The following CORO2B variants were observed in gnomAD, a reference collection of about 807,000 sequenced individuals.
CORO2B encodes coronin 2B.
A neutral mutation model predicts 58.8 loss-of-function variants in CORO2B; 26 were observed. The observed-to-expected ratio is 0.44, with a 90% CI of 0.32 to 0.61. CORO2B has a LOEUF of 0.61. Ranked by LOEUF, CORO2B falls within the 20% of genes least tolerant of loss-of-function variation. The probability of loss-of-function intolerance (pLI) is 0.04; values close to 1 mark genes in which losing one functional copy is unlikely to be tolerated. For missense variants in CORO2B, 460 were observed against 645.1 expected, an observed-to-expected ratio of 0.71 and a Z score of 3.11; for synonymous variants, 242 against 253.8, an observed-to-expected ratio of 0.95 and a Z score of 0.44.
At chr15:68,525,493 C>T in the CORO2B span, among the ~76,000 whole-genome samples, 3 of 152,134 alleles carry the variant, frequency 2.0e-5, no homozygotes, top group Non-Finnish European at 4.4e-5. Flanking sequence ...GAAGCTAACT[C>T]GATTCTTGAC....
At chr15:68,589,681 G>C (rs958868825) in intron 1 of CORO2B, among the ~76,000 whole-genome samples, 1 of 152,218 alleles carries the variant, frequency 6.6e-6, no homozygotes, top group Non-Finnish European at 1.5e-5. Flanking sequence ...GTAGTTGCCC[G>C]ATGTTGGCAG....
chr15:68,634,089 C>T (rs1358499693), intron 1 of CORO2B, among the ~76,000 whole-genome samples: 1 of 152,210 alleles, frequency 6.6e-6, no homozygotes, highest in Non-Finnish European at 1.5e-5. Context: ...ATGAAACAGC[C>T]TTTTAAAAAA....
chr15:68,650,356 T>A (rs12907941), intron 2 of CORO2B, among the ~76,000 whole-genome samples: 5,260 of 83,062 alleles, frequency 0.063, 939 homozygotes, highest in Non-Finnish European at 0.088. Context: ...AAACTCTGTC[T>A]AAAAAAAAAA....
intron 2 of CORO2B, among the ~76,000 whole-genome samples, chr15:68,692,642 T>G (rs961311622): frequency 2.0e-5 from 3 of 148,730 alleles, no homozygotes; most frequent in African/African-American, 7.4e-5. Flanking sequence ...CTTTTTTTTT[T>G]GTTTTTTTGA....
chr15:68,618,149 C>T (rs1900415853), intron 1 of CORO2B, among the ~76,000 whole-genome samples: 1 of 152,102 alleles, frequency 6.6e-6, no homozygotes, highest in African/African-American at 2.4e-5. Flanking sequence ...CACACACACA[C>T]AAATACATGT....
At chr15:68,578,896 C>A, upstream of CORO2B, 1 of 428,164 alleles carries the variant, frequency 2.3e-6, no homozygotes, top group Non-Finnish European at 3.1e-6. This position sits in a 1 kb window ranked among gnomAD's most constrained non-coding sequence, Gnocchi z 4.2. Flanking sequence ...GGCTGCGCTT[C>A]CTCCTCCTCC....
the CORO2B span, among the ~76,000 whole-genome samples, chr15:68,521,646 T>C: frequency 6.6e-6 from 1 of 152,250 alleles, no homozygotes; most frequent in Non-Finnish European, 1.5e-5. Context: ...GATTGTCAAT[T>C]ATTTTTATTT....
intron 1 of CORO2B, among the ~76,000 whole-genome samples, chr15:68,621,750 T>A (rs570140411): frequency 6.6e-6 from 1 of 151,108 alleles, no homozygotes; most frequent in South Asian, 2.1e-4. Flanking sequence ...TCACGTGACA[T>A]TGGGCAAGTT....
intron 1 of CORO2B, among the ~76,000 whole-genome samples, chr15:68,610,151 G>A (rs777421107): frequency 1.3e-5 from 2 of 152,092 alleles, no homozygotes; most frequent in Non-Finnish European, 2.9e-5. Flanking sequence ...CGGGGAAATG[G>A]GCCTTATCCT....
the CORO2B span, among the ~76,000 whole-genome samples, chr15:68,560,192 C>A: frequency 2.6e-5 from 4 of 152,252 alleles, no homozygotes; most frequent in African/African-American, 9.6e-5. Context: ...AGGCTGCTAA[C>A]TGTGCTCCCT....
At chr15:68,652,380 C>T (rs1215253134) in intron 2 of CORO2B, among the ~76,000 whole-genome samples, 3 of 152,200 alleles carry the variant, frequency 2.0e-5, no homozygotes, top group African/African-American at 7.2e-5. Flanking sequence ...GCACTGTGCC[C>T]AGCAGCCTGA....
chr15:68,582,065 AGAG>A (rs1899440137), intron 1 of CORO2B, among the ~76,000 whole-genome samples: 1 of 152,170 alleles, frequency 6.6e-6, no homozygotes, highest in Non-Finnish European at 1.5e-5. Flanking sequence ...GCACTTCTGT[AGAG>A]GAGGTGAGCC....
At chr15:68,546,823 C>A in the CORO2B span, among the ~76,000 whole-genome samples, 6 of 152,250 alleles carry the variant, frequency 3.9e-5, no homozygotes, top group South Asian at 1.2e-3. Flanking sequence ...ACCCTCTGTT[C>A]ACTCCATCTC....
chr15:68,531,218 C>T, the CORO2B span, among the ~76,000 whole-genome samples: 10 of 152,134 alleles, frequency 6.6e-5, no homozygotes, highest in South Asian at 8.3e-4. Context: ...TGCTGGCTCA[C>T]GCCTATAATC....
chr15:68,645,026 C>G lies in CORO2B; in HGVS notation c.16-134C>G. 1.2e-6 allele frequency: 1 copy of G among 829,708 alleles called. No homozygotes were observed. Among genetic ancestry groups the G allele is most frequent in the Non-Finnish European group, 1.9e-6 (1 of 531,348 alleles). 51.4% of individuals were successfully genotyped at this position (829,708 alleles called of 1,614,324 possible). A position where few individuals can be genotyped will look rare whatever the true frequency, so the allele number is the denominator to read the frequency against. On this transcript the variant is annotated intron_variant, in intron 1 of 11. Transcript: ENST00000261861. This position sits in a 1 kb window ranked among gnomAD's most constrained non-coding sequence, Gnocchi z 4.5. ...CTTGGATGCTTCTTCCTTTCCATCTCTTCCTGACAGGGGACCCAGGGCCTG... is the reference window on the plus strand; with the variant it reads ...CTTGGATGCTTCTTCCTTTCCATCTGTTCCTGACAGGGGACCCAGGGCCTG...
chr15:68,636,106 A>C (rs1197546873), intron 1 of CORO2B, among the ~76,000 whole-genome samples: 1 of 152,172 alleles, frequency 6.6e-6, no homozygotes, highest in Non-Finnish European at 1.5e-5. Flanking sequence ...CCTATTTCTC[A>C]GGGTTATTTT....
At chr15:68,629,261 T>C (rs1900762250) in intron 1 of CORO2B, among the ~76,000 whole-genome samples, 1 of 152,248 alleles carries the variant, frequency 6.6e-6, no homozygotes, top group African/African-American at 2.4e-5. Context: ...AAAGGCTCCA[T>C]TGCAGGTCTG....
intron 1 of CORO2B, among the ~76,000 whole-genome samples, chr15:68,583,879 C>T (rs1299525019): frequency 6.6e-6 from 1 of 152,214 alleles, no homozygotes; most frequent in Non-Finnish European, 1.5e-5. Context: ...TGGGAGCCCA[C>T]TTGCGGGTGG....
At chr15:68,668,477 G>A (rs1208370950) in intron 2 of CORO2B, among the ~76,000 whole-genome samples, 1 of 152,218 alleles carries the variant, frequency 6.6e-6, no homozygotes, top group African/African-American at 2.4e-5. Flanking sequence ...GACTTGTGAT[G>A]GATATGTTAG....
Sources: allele counts gnomAD v4.1 joint callset (sites outside exome capture counted in the v4.1 genomes callset), GRCh38; gene constraint gnomAD v4.1.1; non-coding constraint Gnocchi (gnomAD v3.1); transcripts MANE v1.5; gene names NCBI Gene and HGNC (gene_info 2026-07-23, HGNC 2026-07-21).